The following FGGY variants were observed in gnomAD, a reference collection of about 807,000 sequenced individuals.
The protein encoded by FGGY is FGGY carbohydrate kinase domain-containing protein.
Under a neutral mutation model 71.3 loss-of-function variants are expected in FGGY, and 72 were observed. That is an observed-to-expected ratio of 1.01 (90% confidence interval 0.84 to 1.23). FGGY has a LOEUF of 1.23. FGGY is among the 50% of genes most tolerant of loss of function. The probability of loss-of-function intolerance (pLI) is 0.00; values close to 1 mark genes in which losing one functional copy is unlikely to be tolerated. For synonymous variants in FGGY, 251 were observed against 250.3 expected, an observed-to-expected ratio of 1.00 and a Z score of -0.02; for missense variants, 668 against 682.3, an observed-to-expected ratio of 0.98 and a Z score of 0.23.
chr1:59,571,715 T>C (rs1019553062), intron 8 of FGGY, among the ~76,000 whole-genome samples: 9 of 152,108 alleles, frequency 5.9e-5, no homozygotes, highest in African/African-American at 1.7e-4. Context: ...TCATCAATAA[T>C]AGCATGAATA....
chr1:59,680,474 T>G (rs1208466924), intron 14 of FGGY, among the ~76,000 whole-genome samples: 1 of 148,838 alleles, frequency 6.7e-6, no homozygotes, highest in African/African-American at 2.5e-5. Context: ...TTAAGAGTTT[T>G]TTCGACCCCT....
intron 15 of FGGY, among the ~76,000 whole-genome samples, chr1:59,760,936 T>C (rs1559017998): frequency 6.6e-6 from 1 of 152,222 alleles, no homozygotes; most frequent in Non-Finnish European, 1.5e-5. Flanking sequence ...AAAATAATTC[T>C]ACAACTAATA....
intron 9 of FGGY, among the ~76,000 whole-genome samples, chr1:59,624,489 T>C (rs111779587): frequency 5.3e-5 from 8 of 152,198 alleles, no homozygotes; most frequent in Non-Finnish European, 7.3e-5. Context: ...TCACGTGATA[T>C]CATTTATACT....
At chr1:59,616,490 G>T (rs1572152897) in intron 9 of FGGY, among the ~76,000 whole-genome samples, 1 of 152,214 alleles carries the variant, frequency 6.6e-6, no homozygotes, top group East Asian at 1.9e-4. Context: ...GTGGGGTGAG[G>T]GGAGTGGAGA....
At chr1:59,401,668 C>T (rs1185065827) in intron 5 of FGGY, among the ~76,000 whole-genome samples, 1 of 152,210 alleles carries the variant, frequency 6.6e-6, no homozygotes, top group African/African-American at 2.4e-5. Context: ...AAACAAAACT[C>T]ATGCTTTTAA....
intron 8 of FGGY, among the ~76,000 whole-genome samples, chr1:59,566,874 G>T (rs1230822590): frequency 2.6e-5 from 4 of 152,110 alleles, no homozygotes; most frequent in African/African-American, 4.8e-5. Context: ...AGAAAGAGGA[G>T]ACTTACTGCC....
intron 7 of FGGY, among the ~76,000 whole-genome samples, chr1:59,538,306 A>G (rs1291227411): frequency 6.6e-6 from 1 of 150,752 alleles, no homozygotes; most frequent in Non-Finnish European, 1.5e-5. Flanking sequence ...ACCATCTCAC[A>G]CCAGTTAGAA....
At chr1:59,374,287 G>A (rs1332023224) in intron 4 of FGGY, among the ~76,000 whole-genome samples, 3 of 152,142 alleles carry the variant, frequency 2.0e-5, no homozygotes, top group African/African-American at 7.2e-5. Flanking sequence ...TATGCAGCCA[G>A]AAACCACATG....
At chr1:59,615,675 C>A (rs190205841) in intron 9 of FGGY, among the ~76,000 whole-genome samples, 3,652 of 152,014 alleles carry the variant, frequency 0.024, 145 homozygotes, top group African/African-American at 0.083. Context: ...GAGCTTCTGC[C>A]CAGCAAAAGA....
chr1:59,482,166 G>A (rs146279105), intron 6 of FGGY, among the ~76,000 whole-genome samples: 58 of 152,210 alleles, frequency 3.8e-4, no homozygotes, highest in African/African-American at 1.3e-3. Flanking sequence ...TACAGACTAA[G>A]GGTTATATAT....
chr1:59,683,909 T>G (rs1264615871), intron 14 of FGGY, among the ~76,000 whole-genome samples: 2 of 152,196 alleles, frequency 1.3e-5, no homozygotes, highest in Admixed American at 1.3e-4. Context: ...TAATGCACCT[T>G]TTACTCAGGT....
intron 14 of FGGY, among the ~76,000 whole-genome samples, chr1:59,749,239 A>G (rs755245918): frequency 1.3e-5 from 2 of 151,648 alleles, no homozygotes; most frequent in African/African-American, 4.8e-5. Context: ...GTTGTCTTGA[A>G]CTCCATAAGC....
intron 14 of FGGY, among the ~76,000 whole-genome samples, chr1:59,732,594 T>C (rs967869576): frequency 2.0e-5 from 3 of 151,958 alleles, no homozygotes; most frequent in African/African-American, 7.3e-5. Flanking sequence ...CTTATCACTC[T>C]GTCCTCTACC....
intron 5 of FGGY, among the ~76,000 whole-genome samples, chr1:59,401,960 C>T (rs889935714): frequency 2.0e-5 from 3 of 152,188 alleles, no homozygotes; most frequent in Non-Finnish European, 2.9e-5. Context: ...GGTACCATGG[C>T]GTTCTGTGTT....
chr1:59,699,969 A>T (rs1228660270), intron 14 of FGGY, among the ~76,000 whole-genome samples: 3 of 152,096 alleles, frequency 2.0e-5, no homozygotes, highest in Non-Finnish European at 4.4e-5. Flanking sequence ...TGTTCTCTCC[A>T]CTGATATCAT....
intron 14 of FGGY, among the ~76,000 whole-genome samples, chr1:59,684,374 T>G (rs1017002583): frequency 2.6e-5 from 4 of 152,042 alleles, no homozygotes; most frequent in Non-Finnish European, 5.9e-5. Context: ...ATTTGAGGAG[T>G]GACTTCCACT....
chr1:59,696,117 G>C lies in FGGY; in HGVS notation c.1512+21984G>C, dbSNP rs187782177. On this transcript the variant is annotated intron_variant, in intron 14 of 15. Transcript: ENST00000303721. ...CCAGCACATTGCTGTGAGTTCTGCT[G>C]GTTCAAAATTGGATGAGTTGCTGAA... 2.6e-5 allele frequency among the ~76,000 whole-genome samples: 4 copies of C among 152,266 alleles called. No homozygotes were observed. In the South Asian group the frequency reaches 8.3e-4, roughly 32 times the overall value.
intron 14 of FGGY, among the ~76,000 whole-genome samples, chr1:59,743,832 C>T (rs904145915): frequency 1.3e-5 from 2 of 152,326 alleles, no homozygotes; most frequent in South Asian, 4.1e-4. Flanking sequence ...TCCCCTGCAG[C>T]CTCCTTTCTG....
chr1:59,539,059 C>T (rs889912663), intron 7 of FGGY, among the ~76,000 whole-genome samples: 4 of 151,690 alleles, frequency 2.6e-5, no homozygotes, highest in African/African-American at 9.7e-5. Context: ...ATATTAAGTA[C>T]CTAGGAAGGA....
Sources: allele counts gnomAD v4.1 joint callset (sites outside exome capture counted in the v4.1 genomes callset), GRCh38; gene constraint gnomAD v4.1.1; transcripts MANE v1.5; gene names NCBI Gene and HGNC (gene_info 2026-07-23, HGNC 2026-07-21).